Variants in PTPRG observed in about 807,000 individuals in gnomAD.
PTPRG encodes protein tyrosine phosphatase receptor type G.
Under a neutral mutation model 165.3 loss-of-function variants are expected in PTPRG, and 102 were observed. The ratio of observed to expected loss-of-function variants is 0.62; its 90% CI spans 0.53 to 0.73. The LOEUF is 0.73. Among genes scored for constraint, PTPRG ranks in the 30% least tolerant of loss-of-function variants. PTPRG has a pLI of 0.00. For missense variants in PTPRG, 1,866 were observed against 1,861.4 expected (o/e 1.00, Z -0.05); for synonymous variants, 675 against 669.5 (o/e 1.01, Z -0.13).
chr3:62,168,081 G>A lies in PTPRG; in HGVS notation c.951G>A (p.Val317=). ...AGCAGCGTCTGCATGACAGGGTGGTGTCCAAGTCCGCCGTCCGTGACTCCT... is the reference window on the plus strand; with the variant it reads ...AGCAGCGTCTGCATGACAGGGTGGTATCCAAGTCCGCCGTCCGTGACTCCT... The part of the protein sequence containing the change: ...RPQQRLHDRV[V]SKSAVRDSWN... Residue 317 remains valine (V), a synonymous_variant, in exon 8 of 30, where the codon GTG becomes GTA. Coordinates refer to ENST00000474889, the MANE Select transcript of PTPRG (RefSeq NM_002841.4). 6.2e-7 allele frequency: 1 copy of A among 1,614,060 alleles called. No homozygotes were observed. Among genetic ancestry groups the A allele is most frequent in the Non-Finnish European group, 8.5e-7 (1 of 1,179,994 alleles).
chr3:62,155,982 A>C (rs141052029), intron 6 of PTPRG, among the ~76,000 whole-genome samples: 9 of 152,286 alleles, frequency 5.9e-5, no homozygotes, highest in Non-Finnish European at 1.2e-4. Context: ...AAGGGGAGAG[A>C]ATCCCAGATG....
intron 6 of PTPRG, among the ~76,000 whole-genome samples, chr3:62,141,372 G>A (rs1256899464): frequency 1.3e-5 from 2 of 152,094 alleles, no homozygotes; most frequent in Non-Finnish European, 2.9e-5. Context: ...AGCCGAGGCA[G>A]GTAGATCACT....
chr3:61,817,482 A>G (rs2035821326), intron 2 of PTPRG, among the ~76,000 whole-genome samples: 1 of 152,056 alleles, frequency 6.6e-6, no homozygotes, highest in Non-Finnish European at 1.5e-5. Flanking sequence ...ACAACCAATA[A>G]TGGCAGTTTT....
At chr3:61,647,020 T>C (rs1372032282) in intron 1 of PTPRG, among the ~76,000 whole-genome samples, 2 of 152,232 alleles carry the variant, frequency 1.3e-5, no homozygotes, top group African/African-American at 2.4e-5. Flanking sequence ...GAAGAACATC[T>C]GGGCTTTTCC....
intron 8 of PTPRG, among the ~76,000 whole-genome samples, chr3:62,171,541 A>G (rs1443915927): frequency 6.6e-6 from 1 of 152,176 alleles, no homozygotes; most frequent in Non-Finnish European, 1.5e-5. Context: ...CGCCACAGAA[A>G]GTTCCTTCCT....
chr3:62,128,825 A>C (rs1483845181), intron 5 of PTPRG, among the ~76,000 whole-genome samples: 1 of 149,458 alleles, frequency 6.7e-6, no homozygotes, highest in Non-Finnish European at 1.5e-5. Flanking sequence ...GCTTATGCCC[A>C]TGAATTTTTT....
chr3:61,858,704 A>C (rs1249438269), intron 2 of PTPRG, among the ~76,000 whole-genome samples: 1 of 152,158 alleles, frequency 6.6e-6, no homozygotes, highest in African/African-American at 2.4e-5. Context: ...AGGTCATGAG[A>C]TATCAATTGA....
At chr3:61,952,824 C>A (rs959534826) in intron 2 of PTPRG, among the ~76,000 whole-genome samples, 2 of 152,164 alleles carry the variant, frequency 1.3e-5, no homozygotes, top group African/African-American at 4.8e-5. Flanking sequence ...ATATTTTCTC[C>A]CCTACTCACT....
At chr3:62,053,338 C>T (rs1156427693) in intron 4 of PTPRG, among the ~76,000 whole-genome samples, 2 of 148,432 alleles carry the variant, frequency 1.3e-5, no homozygotes, top group African/African-American at 5.0e-5. Flanking sequence ...GCTATCTCAG[C>T]TCACTGCAAC....
intron 2 of PTPRG, among the ~76,000 whole-genome samples, chr3:61,916,941 G>A (rs1005264153): frequency 3.8e-4 from 58 of 152,124 alleles, no homozygotes; most frequent in African/African-American, 1.3e-3. Flanking sequence ...ATAATAAGTC[G>A]AAATTGATGG....
intron 2 of PTPRG, among the ~76,000 whole-genome samples, chr3:61,839,096 A>C (rs2036549854): frequency 6.6e-6 from 1 of 152,226 alleles, no homozygotes; most frequent in African/African-American, 2.4e-5. Context: ...ATCTAAAACC[A>C]ACAAGGCATA....
intron 12 of PTPRG, among the ~76,000 whole-genome samples, chr3:62,211,959 T>G (rs1700368629): frequency 6.9e-6 from 1 of 145,690 alleles, no homozygotes; most frequent in African/African-American, 2.6e-5. Context: ...TTTCTTTTCT[T>G]TTTTTTTTTT....
At chr3:61,579,106 A>G (rs1339393206) in intron 1 of PTPRG, among the ~76,000 whole-genome samples, 1 of 152,190 alleles carries the variant, frequency 6.6e-6, no homozygotes, top group African/African-American at 2.4e-5. Context: ...CCTGAGGACT[A>G]GCTAATACCC....
At chr3:61,712,382 T>A (rs1295482425) in intron 1 of PTPRG, among the ~76,000 whole-genome samples, 1 of 152,020 alleles carries the variant, frequency 6.6e-6, no homozygotes, top group Non-Finnish European at 1.5e-5. Context: ...TTCCTAAACA[T>A]CCATATCCCT....
chr3:62,213,877 G>T lies in PTPRG; in HGVS notation c.2156-4974G>T, dbSNP rs1471045609. Among the ~76,000 whole-genome samples, 5 of 152,156 alleles carry T rather than the reference G, an allele frequency of 3.3e-5. No homozygotes were observed. Among genetic ancestry groups the T allele is most frequent in the Non-Finnish European group, 5.9e-5 (4 of 68,030 alleles). ...CAAATTGAGTCAGGGAGCAGGACGG[G>T]TATTTCTTCTGAAGGACACAGCAAG... is the stretch of plus-strand genomic sequence containing the variant. On this transcript the variant is annotated intron_variant, in intron 12 of 29. Coordinates refer to ENST00000474889, the MANE Select transcript of PTPRG (RefSeq NM_002841.4). This position sits in a 1 kb window ranked among gnomAD's most constrained non-coding sequence, Gnocchi z 4.4.
intron 1 of PTPRG, among the ~76,000 whole-genome samples, chr3:61,747,366 T>G (rs2033251566): frequency 6.6e-6 from 1 of 152,220 alleles, no homozygotes; most frequent in South Asian, 2.1e-4. Flanking sequence ...GAATAATTAT[T>G]TGTAGAATGG....
At chr3:61,824,419 G>A (rs1559632889) in intron 2 of PTPRG, among the ~76,000 whole-genome samples, 2 of 152,170 alleles carry the variant, frequency 1.3e-5, no homozygotes, top group Non-Finnish European at 2.9e-5. Flanking sequence ...TAGGATAGGT[G>A]GATGGAAGAA....
intron 5 of PTPRG, among the ~76,000 whole-genome samples, chr3:62,119,787 A>AT (rs34842750): frequency 0.021 from 2,375 of 111,702 alleles, 52 homozygotes; most frequent in South Asian, 0.049. Context: ...CGCCTGGCTA[A>AT]TTTTTTTTTT....
At chr3:62,162,029 A>AT (rs1378160215) in intron 7 of PTPRG, among the ~76,000 whole-genome samples, 10 of 152,112 alleles carry the variant, frequency 6.6e-5, no homozygotes, top group Admixed American at 6.6e-4. Context: ...ACTATTGTAC[A>AT]TATCAGCCTT....
Sources: gnomAD v4.1 joint callset for allele counts (sites outside exome capture counted in the v4.1 genomes callset) on GRCh38, gnomAD v4.1.1 for gene constraint, Gnocchi (gnomAD v3.1) non-coding constraint, MANE v1.5 for transcripts, NCBI Gene and HGNC (gene_info 2026-07-23, HGNC 2026-07-21) for gene names.